Variants in CREB5 observed in about 807,000 individuals in gnomAD.
The protein encoded by CREB5 is cAMP responsive element binding protein 5, also known as cyclic AMP-responsive element-binding protein 5.
In CREB5, 19 loss-of-function variants were observed where a neutral mutation model predicts 57.1. The ratio of observed to expected loss-of-function variants is 0.33; its 90% CI spans 0.23 to 0.49. CREB5 has a LOEUF of 0.49. Ranked by LOEUF, CREB5 falls within the 20% of genes least tolerant of loss-of-function variation. The probability of loss-of-function intolerance (pLI) is 0.99; values close to 1 mark genes in which losing one functional copy is unlikely to be tolerated. For synonymous variants in CREB5, 238 were observed against 238.3 expected (o/e 1.00, Z 0.01); for missense variants, 579 against 671.6 (o/e 0.86, Z 1.52).
intron 5 of CREB5, among the ~76,000 whole-genome samples, chr7:28,628,404 C>T (rs1235534080): frequency 6.6e-6 from 1 of 152,094 alleles, no homozygotes; most frequent in Non-Finnish European, 1.5e-5. Context: ...CTGATTTGCC[C>T]CAGAAGGCTT....
intron 5 of CREB5, among the ~76,000 whole-genome samples, chr7:28,683,654 G>A (rs1477285503): frequency 2.0e-5 from 3 of 152,186 alleles, no homozygotes; most frequent in Non-Finnish European, 4.4e-5. Flanking sequence ...CCTGGCAGAA[G>A]CAATGATGCT....
rs571606474 is a variant in CREB5, at chr7:28,606,805, TGTG to T, written c.464+36271_464+36273del. 3.5e-3 allele frequency among the ~76,000 whole-genome samples: 534 copies of T among 152,286 alleles called. 1 individual carries two copies. Among genetic ancestry groups the T allele is most frequent in the African/African-American group, 0.012 (482 of 41,580 alleles). ...AGGCTTCTGAGACAAATATGAAAGT[TGTG>T]GTCATATTTTGAAATTTAATTTTTA... is the stretch of plus-strand genomic sequence containing the variant. On this transcript the variant is annotated intron_variant, in intron 5 of 10. Coordinates refer to ENST00000357727, the MANE Select transcript of CREB5 (RefSeq NM_182898.4).
In CREB5 at chr7:28,508,742, G is replaced by A. The variant is rs151274590; in HGVS notation, c.291+1005G>A. On this transcript the variant is annotated intron_variant, in intron 4 of 10. Coordinates refer to ENST00000357727, the MANE Select transcript of CREB5 (RefSeq NM_182898.4). ...CCATGAAAATAAGTGATGCTTACAA[G>A]AGGGGTACAAAATCTCAGTCAACTC... 5.2e-3 allele frequency among the ~76,000 whole-genome samples: 797 copies of A among 152,206 alleles called. 9 individuals are homozygous for A. Among genetic ancestry groups the A allele is most frequent in the African/African-American group, 0.018 (756 of 41,522 alleles).
chr7:28,472,299 T>C (rs1055609783), intron 1 of CREB5, among the ~76,000 whole-genome samples: 1 of 152,238 alleles, frequency 6.6e-6, no homozygotes, highest in Non-Finnish European at 1.5e-5. Context: ...TAATGTATAT[T>C]GTATATTTAC....
chr7:28,349,841 C>T (rs2127990363), intron 1 of CREB5, among the ~76,000 whole-genome samples: 1 of 152,340 alleles, frequency 6.6e-6, no homozygotes, highest in African/African-American at 2.4e-5. Flanking sequence ...TACTACATGA[C>T]ACACTGTGCT....
At chr7:28,348,918 C>G (rs2127990204) in intron 1 of CREB5, among the ~76,000 whole-genome samples, 1 of 152,328 alleles carries the variant, frequency 6.6e-6, no homozygotes, top group South Asian at 2.1e-4. Context: ...ATGGCATAAC[C>G]AACCCTGATT....
At chr7:28,709,708 A>G (rs1195083650) in intron 5 of CREB5, among the ~76,000 whole-genome samples, 2 of 152,140 alleles carry the variant, frequency 1.3e-5, no homozygotes, top group Non-Finnish European at 2.9e-5. Flanking sequence ...AAGAAGAAGA[A>G]GTTATCGTTT....
At chr7:28,319,112 G>A (rs542122063) in intron 1 of CREB5, among the ~76,000 whole-genome samples, 118 of 152,178 alleles carry the variant, frequency 7.8e-4, no homozygotes, top group African/African-American at 2.8e-3. Flanking sequence ...TGTACCTTGA[G>A]ACCTGTTCCC....
chr7:28,312,291 C>T (rs1284764872), intron 1 of CREB5, among the ~76,000 whole-genome samples: 3 of 151,904 alleles, frequency 2.0e-5, no homozygotes, highest in Non-Finnish European at 4.4e-5. Flanking sequence ...GCCTCTTTTT[C>T]TGCTCATGGA....
chr7:28,809,545 C>T, intron 9 of CREB5, 131 bp downstream of exon 9: 6 of 785,906 alleles, frequency 7.6e-6, no homozygotes, highest in Non-Finnish European at 1.2e-5. Flanking sequence ...CGCAGCCCCA[C>T]TCCTCGAGTT....
At chr7:28,689,828 A>T (rs189700634) in intron 5 of CREB5, among the ~76,000 whole-genome samples, 1 of 152,116 alleles carries the variant, frequency 6.6e-6, no homozygotes, top group Admixed American at 6.5e-5. Context: ...CATTTTTGAC[A>T]CCATTTCATG....
chr7:28,481,531 T>C (rs912610481), intron 1 of CREB5, among the ~76,000 whole-genome samples: 1 of 152,178 alleles, frequency 6.6e-6, no homozygotes, highest in Non-Finnish European at 1.5e-5. Context: ...TGTGTAAATC[T>C]CTGGTTTGAA....
chr7:28,662,805 T>C (rs1023808134), intron 5 of CREB5, among the ~76,000 whole-genome samples: 3 of 152,140 alleles, frequency 2.0e-5, no homozygotes, highest in African/African-American at 7.2e-5. Flanking sequence ...TACTATTTAG[T>C]ACTCATTGAT....
intron 5 of CREB5, among the ~76,000 whole-genome samples, chr7:28,699,006 A>T (rs1245248822): frequency 1.3e-5 from 2 of 152,074 alleles, no homozygotes; most frequent in Non-Finnish European, 2.9e-5. Flanking sequence ...GTGGGTTTTG[A>T]GCGAGATACT....
At chr7:28,505,202 ACG>A (rs774379545) in intron 3 of CREB5, among the ~76,000 whole-genome samples, 18 of 118,676 alleles carry the variant, frequency 1.5e-4, no homozygotes, top group Non-Finnish European at 3.0e-4. Context: ...GTGCACACAC[ACG>A]CACACACACA....
chr7:28,329,196 A>C (rs1785667600), intron 1 of CREB5, among the ~76,000 whole-genome samples: 1 of 152,230 alleles, frequency 6.6e-6, no homozygotes, highest in Non-Finnish European at 1.5e-5. Context: ...CAGAAAGGGA[A>C]CCACCATTCT....
chr7:28,689,430 T>C (rs2128729173), intron 5 of CREB5, among the ~76,000 whole-genome samples: 1 of 152,262 alleles, frequency 6.6e-6, no homozygotes, highest in East Asian at 1.9e-4. Flanking sequence ...ATCGAGCCAC[T>C]GTACTCCAGC....
chr7:28,715,593 G>A (rs1562591701), intron 5 of CREB5, among the ~76,000 whole-genome samples: 2 of 152,178 alleles, frequency 1.3e-5, no homozygotes, highest in East Asian at 3.8e-4. Flanking sequence ...TAGCTACATA[G>A]CTACATGCGT....
intron 7 of CREB5, among the ~76,000 whole-genome samples, chr7:28,759,843 G>T (rs1805545303): frequency 6.6e-6 from 1 of 152,206 alleles, no homozygotes; most frequent in Non-Finnish European, 1.5e-5. Flanking sequence ...GACATGCTCA[G>T]GTTTATGTTT....
Sources: gnomAD v4.1 joint callset for allele counts (sites outside exome capture counted in the v4.1 genomes callset) on GRCh38, gnomAD v4.1.1 for gene constraint, MANE v1.5 for transcripts, NCBI Gene and HGNC (gene_info 2026-07-23, HGNC 2026-07-21) for gene names.